Variants in ZFC3H1 observed in about 807,000 individuals in gnomAD.
The protein encoded by ZFC3H1 is zinc finger C3H1 domain-containing protein.
In ZFC3H1, 71 loss-of-function variants were observed where a neutral mutation model predicts 243.7. The observed-to-expected ratio is 0.29, with a 90% CI of 0.24 to 0.36. The LOEUF (loss-of-function observed/expected upper bound fraction) is 0.36, where lower values mean the gene tolerates loss of function less well. Ranked by LOEUF, ZFC3H1 falls within the 10% of genes least tolerant of loss-of-function variation. The pLI is 1.00. For missense variants in ZFC3H1, 1,966 were observed against 2,317.1 expected, an observed-to-expected ratio of 0.85 and a Z score of 3.11; for synonymous variants, 838 against 813.0, an observed-to-expected ratio of 1.03 and a Z score of -0.52.
At chr12:71,619,275 C>G (rs375469910) in intron 27 of ZFC3H1, 40 bp downstream of exon 27, 3 of 1,573,166 alleles carry the variant, frequency 1.9e-6, no homozygotes, top group Non-Finnish European at 2.6e-6. Flanking sequence ...GAACTGTGCT[C>G]TCTCTCATTC....
At position 71,644,220 on chromosome 12, in the gene ZFC3H1, C is replaced by T. The variant is rs1317504676; in HGVS notation, c.1378G>A (p.Ala460Thr). Residue 460 changes from alanine to threonine, a missense_variant, in exon 5 of 35, where the codon GCT becomes ACT. Transcript: ENST00000378743. ...RQKEEDQRKQ[A>T]EEEERRKREE... ...CTTTTCCTTCTCTCTTCTTCTTCAGCTTGTTTCCGCTGATCCTCTTCTTTC... is the reference window on the plus strand; with the variant it reads ...CTTTTCCTTCTCTCTTCTTCTTCAGTTTGTTTCCGCTGATCCTCTTCTTTC... The T allele has an allele frequency of 6.2e-7, 1 of 1,612,054 alleles. No homozygotes were observed. Among genetic ancestry groups the T allele is most frequent in the Middle Eastern group, 1.7e-4 (1 of 6,056 alleles).
rs758886684 is a variant in ZFC3H1 at position 71,632,948 on chromosome 12, G to A, written c.2755C>T (p.Arg919Trp). The change falls in exon 14 of 35, where the codon CGG becomes TGG. Residue 919 changes from arginine to tryptophan, a missense_variant. Around this residue, in one of 4 missense-constraint regions of ZFC3H1, gnomAD observed 1,383 missense variants for 1,723.7 expected, o/e 0.80. Transcript: ENST00000378743. ...TCTTTACTGGCCACTGCCTTTGCCCGAGCAAGCTCTTCTCCATATTTTAGA... is the reference window on the plus strand; with the variant it reads ...TCTTTACTGGCCACTGCCTTTGCCCAAGCAAGCTCTTCTCCATATTTTAGA... ...LTLKYGEELA[R>W]AKAVASKEIG... 16 of 1,613,520 alleles carry A rather than the reference G, an allele frequency of 9.9e-6. No individual in the cohort carries two copies. Among genetic ancestry groups the A allele is most frequent in the East Asian group, 6.7e-5 (3 of 44,822 alleles).
intron 18 of ZFC3H1, 101 bp downstream of exon 18, chr12:71,630,499 G>T: frequency 1.4e-6 from 2 of 1,421,294 alleles, no homozygotes; most frequent in South Asian, 1.4e-5. Context: ...TAAATACACT[G>T]AATTATAGTA....
chr12:71,624,106 G>A lies in ZFC3H1; in HGVS notation c.4504C>T (p.Gln1502Ter). 6.2e-7 allele frequency: 1 copy of A among 1,611,276 alleles called. No homozygotes were observed. Among genetic ancestry groups the A allele is most frequent in the Non-Finnish European group, 8.5e-7 (1 of 1,179,006 alleles). ...GRCQSALAIL[Q>*]NALKSANDGI... ...TAAATGCTGTACCAAGTGCTTACCT[G>A]TAAAATTGCCAGTGCACTTTGGCAT... is the stretch of plus-strand genomic sequence containing the variant. Residue 1502 changes from glutamine (Q) to a stop codon, truncating the protein, a stop_gained and splice_region_variant, in exon 23 of 35, where the codon CAG becomes TAG. Coordinates refer to ENST00000378743, the MANE Select transcript of ZFC3H1 (RefSeq NM_144982.5). LOFTEE classifies it high-confidence loss of function.
At position 71,662,481 on chromosome 12, in the gene ZFC3H1, GT is replaced by G. The variant is rs111585909; in HGVS notation, c.598+531del. 2.5e-3 allele frequency among the ~76,000 whole-genome samples: 344 copies of G among 140,098 alleles called. 1 individual carries two copies. Among genetic ancestry groups the G allele is most frequent in the African/African-American group, 7.1e-3 (272 of 38,300 alleles). The allele number at this position is 140,098 out of a possible 152,430, so 91.9% of individuals were successfully genotyped here. ...CAGACTTGGTAAAGACACCAGAGTT[GT>G]TTTTTTTTTACCCCTCCCCCCCCCA... On this transcript the variant is annotated intron_variant, in intron 1 of 34. Coordinates refer to ENST00000378743, the MANE Select transcript of ZFC3H1 (RefSeq NM_144982.5).
rs1344140576 is a variant in ZFC3H1 at position 71,628,911 on chromosome 12, T to G, written c.3946+7A>C. On this transcript the variant is annotated splice_region_variant and intron_variant, in intron 20 of 34. Coordinates refer to ENST00000378743, the MANE Select transcript of ZFC3H1 (RefSeq NM_144982.5). ...AATTCTGGATCTTAAATTACATAAC[T>G]TCTTACCATACTTAATTGGTCCTGT... 8 of 1,585,154 alleles carry G rather than the reference T, an allele frequency of 5.0e-6. No homozygotes were observed. The highest frequency in any genetic ancestry group is 1.4e-5 in the African/African-American group (1 of 72,956).
rs542854798 is a variant in ZFC3H1 at position 71,615,392 on chromosome 12, G to A, written c.5145-76C>T. 3.2e-5 allele frequency: 31 copies of A among 961,256 alleles called. 1 individual carries two copies. The highest frequency in any genetic ancestry group is 3.1e-4 in the South Asian group (20 of 64,760). The allele number at this position is 961,256 out of a possible 1,614,324, so 59.5% of individuals were successfully genotyped here. ...AATTACACACATATTTTTTAAAATC[G>A]TTAGTTTCACTTAAATTTCATTGAA... On this transcript the variant is annotated intron_variant, in intron 27 of 34. Coordinates refer to ENST00000378743, the MANE Select transcript of ZFC3H1 (RefSeq NM_144982.5).
intron 19 of ZFC3H1, among the ~76,000 whole-genome samples, chr12:71,629,359 G>T (rs974924943): frequency 4.6e-5 from 7 of 151,774 alleles, no homozygotes; most frequent in African/African-American, 1.5e-4. Context: ...TAGAGACGGG[G>T]TTTCACCATG....
At chr12:71,647,726 A>T in intron 3 of ZFC3H1, 23 bp downstream of exon 3, 1 of 1,363,930 alleles carries the variant, frequency 7.3e-7, no homozygotes. Context: ...CAGAGATGAT[A>T]GTCTCACAAA....
chr12:71,637,145 AT>A, intron 7 of ZFC3H1, 86 bp from the exon 8 acceptor site: 5 of 1,163,244 alleles, frequency 4.3e-6, no homozygotes, highest in Non-Finnish European at 6.0e-6. Flanking sequence ...CTAGAAAAAA[AT>A]AAACTTTACA....
At chr12:71,616,475 C>T (rs1879896979) in intron 27 of ZFC3H1, among the ~76,000 whole-genome samples, 1 of 152,108 alleles carries the variant, frequency 6.6e-6, no homozygotes, top group African/African-American at 2.4e-5. Flanking sequence ...GGAAATACTA[C>T]AAATTATAGC....
intron 2 of ZFC3H1, among the ~76,000 whole-genome samples, chr12:71,655,358 T>TA (rs1234566763): frequency 1.3e-5 from 2 of 152,038 alleles, no homozygotes; most frequent in African/African-American, 4.8e-5. Context: ...TGAAAAAAGT[T>TA]AAATAACCCA....
In ZFC3H1 at chr12:71,628,993, T is replaced by C; in HGVS notation, c.3871A>G (p.Lys1291Glu). 1.9e-6 allele frequency: 3 copies of C among 1,613,440 alleles called. No homozygotes were observed. Among genetic ancestry groups the C allele is most frequent in the Admixed American group, 1.7e-5 (1 of 59,984 alleles). The stretch of plus-strand genomic sequence containing the variant: ...TCTGAAATAGGTTTTCTCCAAAACT[T>C]TGGCTTCCACTTTCTTTTATCTTTG... The part of the protein sequence containing the change: ...TYKDKRKWKP[K>E]FWRKPISDNS... Residue 1291 changes from lysine to glutamate, a missense_variant, in exon 20 of 35, where the codon AAG becomes GAG. Lys to Glu is a moderately conservative substitution (Grantham distance 56). Transcript: ENST00000378743.
chr12:71,632,316 C>T lies in ZFC3H1; in HGVS notation c.3016G>A (p.Glu1006Lys), dbSNP rs1011332. ...AGTGAGGGTTGAGGTAAAGAAAATT[C>T]GGGTTCCTCTTCCACAACTGGAGAG... ...NISPVVEEEP[E>K]FSLPQPSLHD... The change falls in exon 15 of 35, where the codon GAA becomes AAA. Residue 1006 changes from glutamate (E) to lysine (K), a missense_variant. Glu to Lys is a moderately conservative substitution (Grantham distance 56). Coordinates refer to ENST00000378743, the MANE Select transcript of ZFC3H1 (RefSeq NM_144982.5). The T allele has an allele frequency of 2.4e-5, 38 of 1,613,682 alleles. No homozygotes were observed. The South Asian group carries it at 3.1e-4, about 13-fold the overall frequency.
chr12:71,648,832 G>A (rs1880797210), intron 2 of ZFC3H1, among the ~76,000 whole-genome samples: 1 of 152,158 alleles, frequency 6.6e-6, no homozygotes, highest in Admixed American at 6.5e-5. Context: ...GCTTATGCCT[G>A]CAATCCCAGT....
Position 71,644,313 on chromosome 12 carries a change from G to A in ZFC3H1, c.1285C>T (p.Gln429Ter). The change falls in exon 5 of 35, where the codon CAA becomes TAA. Residue 429 changes from glutamine (Q) to a stop codon, truncating the protein, a stop_gained. Coordinates refer to ENST00000378743, the MANE Select transcript of ZFC3H1 (RefSeq NM_144982.5). LOFTEE classifies it high-confidence loss of function. ...TTTGTTTGCTGCTTCCTCAATGCTT[G>A]TTTAGCTTTAAATAAAAAACACATA... ...SAKKVSTTAK[Q>*]ALRKQQTKAW... is the part of the protein sequence containing the mutation. 6.2e-7 allele frequency: 1 copy of A among 1,611,340 alleles called. No homozygotes were observed. Among genetic ancestry groups the A allele is most frequent in the Non-Finnish European group, 8.5e-7 (1 of 1,179,528 alleles).
intron 6 of ZFC3H1, among the ~76,000 whole-genome samples, chr12:71,640,712 G>A (rs550756452): frequency 9.9e-5 from 15 of 152,254 alleles, no homozygotes; most frequent in South Asian, 2.1e-4. Context: ...GGCAGCTGCC[G>A]GGACCACCCC....
chr12:71,655,896 C>T (rs1164988442), intron 2 of ZFC3H1, among the ~76,000 whole-genome samples: 1 of 151,968 alleles, frequency 6.6e-6, no homozygotes, highest in Non-Finnish European at 1.5e-5. Context: ...TTGTAATAGC[C>T]GAAAGTTGGA....
At chr12:71,647,081 A>G (rs976840973) in intron 3 of ZFC3H1, among the ~76,000 whole-genome samples, 5 of 152,168 alleles carry the variant, frequency 3.3e-5, no homozygotes, top group Non-Finnish European at 5.9e-5. Flanking sequence ...ATTCAGGGCC[A>G]TCTTTTTCCT....
Sources: allele counts gnomAD v4.1 joint callset (sites outside exome capture counted in the v4.1 genomes callset), GRCh38; gene constraint gnomAD v4.1.1; regional missense constraint gnomAD v4.1.1; transcripts MANE v1.5; gene names NCBI Gene and HGNC (gene_info 2026-07-23, HGNC 2026-07-21).